The following ARHGEF28 variants were observed in gnomAD, a reference collection of about 807,000 sequenced individuals.
The protein encoded by ARHGEF28 is Rho guanine nucleotide exchange factor 28.
Under a neutral mutation model 206.6 loss-of-function variants are expected in ARHGEF28, and 152 were observed. That is an observed-to-expected ratio of 0.74 (90% CI 0.64 to 0.84). The LOEUF is 0.84. Among genes scored for constraint, ARHGEF28 ranks in the 40% least tolerant of loss-of-function variants. The probability of loss-of-function intolerance (pLI) is 0.00; values close to 1 mark genes in which losing one functional copy is unlikely to be tolerated. For missense variants in ARHGEF28, 2,028 were observed against 2,073.2 expected (o/e 0.98, Z 0.42); for synonymous variants, 763 against 776.4 (o/e 0.98, Z 0.29).
intron 31 of ARHGEF28, chr5:73,901,855 G>T (rs411092): frequency 0.47 from 70,732 of 151,402 alleles, 17,114 homozygotes; most frequent in African/African-American, 0.61. Flanking sequence ...TACTGCTATA[G>T]ACATAGATAT....
chr5:73,678,807 A>AG (rs1554053454), intron 1 of ARHGEF28, among the ~76,000 whole-genome samples: 3 of 151,798 alleles, frequency 2.0e-5, no homozygotes, highest in Non-Finnish European at 4.4e-5. Context: ...TAAAAAAAAA[A>AG]GGGGGGGAGT....
At chr5:73,784,129 A>G (rs564910513) in intron 7 of ARHGEF28, among the ~76,000 whole-genome samples, 2 of 151,868 alleles carry the variant, frequency 1.3e-5, no homozygotes, top group African/African-American at 4.8e-5. Context: ...TCCTCTTAAA[A>G]AAAAAAAACC....
chr5:73,847,994 A>G (rs918789338), intron 12 of ARHGEF28, among the ~76,000 whole-genome samples: 1 of 152,206 alleles, frequency 6.6e-6, no homozygotes, highest in Non-Finnish European at 1.5e-5. Flanking sequence ...TAGGGTAACC[A>G]TGTGTTTTTC....
At chr5:73,700,504 G>A (rs529859377) in intron 2 of ARHGEF28, among the ~76,000 whole-genome samples, 29 of 152,274 alleles carry the variant, frequency 1.9e-4, no homozygotes, top group African/African-American at 7.0e-4. Context: ...ATGGGGATAG[G>A]TTGGTCAGTG....
intron 2 of ARHGEF28, among the ~76,000 whole-genome samples, chr5:73,738,483 G>GTA (rs1491174406): frequency 7.0e-5 from 1 of 14,276 alleles, no homozygotes; most frequent in Admixed American, 5.5e-4. Flanking sequence ...GAGTGGCCTC[G>GTA]TGTGTGTGTG....
At chr5:73,882,064 A>G (rs533908398) in intron 22 of ARHGEF28, among the ~76,000 whole-genome samples, 69 of 136,578 alleles carry the variant, frequency 5.1e-4, no homozygotes, top group African/African-American at 1.9e-3. Flanking sequence ...GCCAAAGTAA[A>G]TGTCAAATGA....
intron 9 of ARHGEF28, chr5:73,813,396 G>A: frequency 2.6e-6 from 3 of 1,151,698 alleles, no homozygotes; most frequent in Non-Finnish European, 3.5e-6. Context: ...CCTCCTTGTC[G>A]GTCTACACGC....
intron 9 of ARHGEF28, among the ~76,000 whole-genome samples, chr5:73,796,651 A>C (rs1487371009): frequency 1.3e-5 from 2 of 152,246 alleles, no homozygotes; most frequent in African/African-American, 4.8e-5. Context: ...GGTTTCCAGG[A>C]TCTTGCTGCA....
intron 2 of ARHGEF28, among the ~76,000 whole-genome samples, chr5:73,697,333 C>A (rs1748281151): frequency 6.6e-6 from 1 of 152,142 alleles, no homozygotes; most frequent in Non-Finnish European, 1.5e-5. Flanking sequence ...CTGTAATTTG[C>A]ATCTTTGAAA....
intron 12 of ARHGEF28, among the ~76,000 whole-genome samples, chr5:73,847,775 G>T (rs1274172115): frequency 6.6e-6 from 1 of 152,116 alleles, no homozygotes; most frequent in Non-Finnish European, 1.5e-5. Flanking sequence ...ATGACAAATG[G>T]TTACCACGTA....
intron 4 of ARHGEF28, among the ~76,000 whole-genome samples, chr5:73,772,418 G>A (rs57841303): frequency 0.063 from 9,594 of 152,194 alleles, 995 homozygotes; most frequent in African/African-American, 0.21. Context: ...TCACTTTGTG[G>A]CCCAGGTTGG....
chr5:73,697,778 C>T (rs1198847481), intron 2 of ARHGEF28, among the ~76,000 whole-genome samples: 1 of 152,166 alleles, frequency 6.6e-6, no homozygotes, highest in Non-Finnish European at 1.5e-5. Flanking sequence ...GAAGTTACTA[C>T]CTTAGTTGAT....
In ARHGEF28 at chr5:73,868,508, G is replaced by A. The variant is rs1759859639; in HGVS notation, c.2425+281G>A. ...CGAAGAGAAATGAATGAAATATATT[G>A]TGTGCTTATTATTAAAAATGTTTTA... On this transcript the variant is annotated intron_variant, in intron 20 of 35. Coordinates refer to ENST00000513042, the MANE Select transcript of ARHGEF28 (RefSeq NM_001177693.2). 2.6e-5 allele frequency among the ~76,000 whole-genome samples: 4 copies of A among 152,102 alleles called. 1 individual carries two copies. In the South Asian group the frequency reaches 8.3e-4, roughly 32 times the overall value.
Position 73,882,122 on chromosome 5 carries a change from G to A in ARHGEF28, c.2815-350G>A, listed in dbSNP as rs972838849. Among the ~76,000 whole-genome samples, 5 of 151,854 alleles carry A rather than the reference G, an allele frequency of 3.3e-5. No homozygotes were observed. In the East Asian group the frequency reaches 9.6e-4, roughly 29 times the overall value. The stretch of plus-strand genomic sequence containing the variant: ...ACCTTCCTGAAGGCCCCTAAATGTT[G>A]CCATATACTTTTCTTTCAATCTATA... On this transcript the variant is annotated intron_variant, in intron 22 of 35. Coordinates refer to ENST00000513042, the MANE Select transcript of ARHGEF28 (RefSeq NM_001177693.2).
chr5:73,909,216 C>G, intron 33 of ARHGEF28, 196 bp from the exon 34 acceptor site: 2 of 660,736 alleles, frequency 3.0e-6, no homozygotes, highest in Non-Finnish European at 4.9e-6. Context: ...AGGTCCTACC[C>G]CTAGGACAGA....
chr5:73,796,390 A>G (rs1235434258), intron 9 of ARHGEF28, among the ~76,000 whole-genome samples: 1 of 152,206 alleles, frequency 6.6e-6, no homozygotes, highest in Non-Finnish European at 1.5e-5. Context: ...AGCTGATGTG[A>G]AATCAGGAAA....
chr5:73,850,226 AAC>A (rs1758620168), intron 13 of ARHGEF28, among the ~76,000 whole-genome samples: 1 of 152,032 alleles, frequency 6.6e-6, no homozygotes, highest in African/African-American at 2.4e-5. Flanking sequence ...AGATAGATAA[AAC>A]ACAAAAGAAA....
intron 1 of ARHGEF28, among the ~76,000 whole-genome samples, chr5:73,651,119 TTACA>T (rs921156710): frequency 1.3e-5 from 2 of 152,194 alleles, no homozygotes; most frequent in Non-Finnish European, 2.9e-5. Context: ...TCTGACCTGT[TTACA>T]TATGTGGGGT....
intron 2 of ARHGEF28, among the ~76,000 whole-genome samples, chr5:73,685,978 C>T (rs1268751776): frequency 6.6e-6 from 1 of 152,190 alleles, no homozygotes; most frequent in Non-Finnish European, 1.5e-5. Flanking sequence ...TCATCCACTT[C>T]CCACACTTCA....
Sources: gnomAD v4.1 joint callset for allele counts (sites outside exome capture counted in the v4.1 genomes callset) on GRCh38, gnomAD v4.1.1 for gene constraint, MANE v1.5 for transcripts, NCBI Gene and HGNC (gene_info 2026-07-23, HGNC 2026-07-21) for gene names.